BLTP3B: variants seen among roughly 807,000 people sequenced by gnomAD.
The protein encoded by BLTP3B is UHRF1 (ICBP90) binding protein 1-like.
chr12:100,097,632 CCAT>C, the BLTP3B span: 9 of 1,064,278 alleles, frequency 8.5e-6, no homozygotes, highest in East Asian at 2.7e-5. Context: ...GATATATTCA[CCAT>C]GTTTTTATTT....
the BLTP3B span, among the ~76,000 whole-genome samples, chr12:100,091,389 C>T: frequency 3.3e-5 from 5 of 151,614 alleles, no homozygotes; most frequent in African/African-American, 1.2e-4. Context: ...AGGGTTTCAC[C>T]ACGTTGGACA....
the BLTP3B span, chr12:100,037,667 A>G: frequency 1.2e-6 from 2 of 1,609,446 alleles, no homozygotes; most frequent in Non-Finnish European, 1.7e-6. Flanking sequence ...TATATGATGA[A>G]GAAGAGCATC....
chr12:100,124,890 C>G, the BLTP3B span, among the ~76,000 whole-genome samples: 6 of 140,418 alleles, frequency 4.3e-5, no homozygotes, highest in Non-Finnish European at 9.1e-5. Context: ...CCACTATACT[C>G]CCACCTGGGT....
the BLTP3B span, chr12:100,058,592 A>T: frequency 1.9e-6 from 3 of 1,613,696 alleles, no homozygotes; most frequent in Non-Finnish European, 2.5e-6. Context: ...GCAAATAATC[A>T]GGTACCACTG....
the BLTP3B span, chr12:100,037,594 C>A: frequency 6.4e-5 from 102 of 1,598,748 alleles, no homozygotes; most frequent in Non-Finnish European, 7.6e-5. Context: ...ATATAACCTT[C>A]CTACTCCAGA....
chr12:100,070,069 C>A, the BLTP3B span: 3 of 1,428,576 alleles, frequency 2.1e-6, no homozygotes, highest in Non-Finnish European at 2.8e-6. Context: ...ATTTACAAGA[C>A]AATGCTTGAG....
chr12:100,039,623 C>G, the BLTP3B span: 2 of 1,613,486 alleles, frequency 1.2e-6, no homozygotes, highest in East Asian at 2.2e-5. Context: ...CAAAGGAGAA[C>G]TCAGGAAAGT....
At chr12:100,091,002 T>C in the BLTP3B span, among the ~76,000 whole-genome samples, 1 of 151,650 alleles carries the variant, frequency 6.6e-6, no homozygotes, top group African/African-American at 2.4e-5. Flanking sequence ...AATGGGCCAC[T>C]ATAAGCTCTC....
At chr12:100,130,921 AATACATACATAC>A in the BLTP3B span, among the ~76,000 whole-genome samples, 7 of 127,604 alleles carry the variant, frequency 5.5e-5, no homozygotes, top group Non-Finnish European at 1.2e-4. Flanking sequence ...ATCTCAAAAA[AATACATACATAC>A]ATACATACAT....
the BLTP3B span, among the ~76,000 whole-genome samples, chr12:100,124,777 C>G: frequency 6.6e-6 from 1 of 150,430 alleles, no homozygotes; most frequent in Non-Finnish European, 1.5e-5. Context: ...TAAAAATTAG[C>G]TGGGCATGGT....
chr12:100,086,263 T>C, the BLTP3B span: 29 of 1,454,472 alleles, frequency 2.0e-5, no homozygotes, highest in Non-Finnish European at 2.3e-5. Context: ...TTAAAGATGC[T>C]GTTATACACA....
At chr12:100,102,700 CTT>C in the BLTP3B span, 108,573 of 681,962 alleles carry the variant, frequency 0.16, 20 homozygotes, top group East Asian at 0.21. Context: ...GAGGTTAAGG[CTT>C]TTTTTTTTTT....
chr12:100,098,072 G>A, the BLTP3B span, among the ~76,000 whole-genome samples: 2 of 151,842 alleles, frequency 1.3e-5, no homozygotes, highest in African/African-American at 4.8e-5. Context: ...CAAAAATTAG[G>A]CAGGCGCAGT....
chr12:100,106,553 G>A, the BLTP3B span, among the ~76,000 whole-genome samples: 13 of 152,138 alleles, frequency 8.5e-5, no homozygotes, highest in African/African-American at 3.1e-4. Context: ...TGAACTATGG[G>A]TATGCAAAGG....
chr12:100,105,174 T>C, the BLTP3B span, among the ~76,000 whole-genome samples: 3 of 152,024 alleles, frequency 2.0e-5, no homozygotes, highest in Non-Finnish European at 2.9e-5. Flanking sequence ...AGAACCCAAA[T>C]AGCCAAAGCA....
At chr12:100,047,136 A>G in the BLTP3B span, among the ~76,000 whole-genome samples, 1 of 152,202 alleles carries the variant, frequency 6.6e-6, no homozygotes, top group Non-Finnish European at 1.5e-5. Flanking sequence ...AAGAAATATA[A>G]TAAGTGAAAA....
chr12:100,048,284 G>A, the BLTP3B span: 1 of 1,379,560 alleles, frequency 7.2e-7, no homozygotes. Flanking sequence ...AATAATACTA[G>A]TTTTACTATT....
chr12:100,109,627 A>G, the BLTP3B span, among the ~76,000 whole-genome samples: 1 of 152,050 alleles, frequency 6.6e-6, no homozygotes, highest in Non-Finnish European at 1.5e-5. Context: ...TTAGCTGGGC[A>G]TGTTGGCGCA....
At chr12:100,127,928 A>T in the BLTP3B span, among the ~76,000 whole-genome samples, 1 of 152,124 alleles carries the variant, frequency 6.6e-6, no homozygotes, top group South Asian at 2.1e-4. Context: ...CAGGAGGATA[A>T]CTGGGGACCA....
Sources: gnomAD v4.1 joint callset for allele counts (sites outside exome capture counted in the v4.1 genomes callset) on GRCh38, gnomAD v4.1.1 for gene constraint, MANE v1.5 for transcripts, NCBI Gene and HGNC (gene_info 2026-07-23, HGNC 2026-07-21) for gene names.